Variants in ITFG1 observed in about 807,000 individuals in gnomAD.
ITFG1 encodes integrin alpha FG-GAP repeat containing 1, also known as T-cell immunomodulatory protein.
A neutral mutation model predicts 81.8 loss-of-function variants in ITFG1; 34 were observed. The observed-to-expected ratio is 0.42, with a 90% confidence interval of 0.32 to 0.55. The LOEUF (loss-of-function observed/expected upper bound fraction) is 0.55. ITFG1 is among the 20% of genes least tolerant of loss of function. The pLI, the probability that ITFG1 is intolerant of heterozygous loss-of-function variation, is 0.17. For missense variants in ITFG1, 672 were observed against 755.4 expected (o/e 0.89, Z 1.29); for synonymous variants, 285 against 270.6 (o/e 1.05, Z -0.52).
chr16:47,273,383 G>A (rs1027809483), intron 10 of ITFG1, among the ~76,000 whole-genome samples: 2 of 152,130 alleles, frequency 1.3e-5, no homozygotes, highest in African/African-American at 4.8e-5. Context: ...TGAAACCCAT[G>A]CTGCCTACTA....
intron 5 of ITFG1, among the ~76,000 whole-genome samples, chr16:47,438,694 T>C (rs149366745): frequency 1.3e-5 from 2 of 152,208 alleles, no homozygotes; most frequent in African/African-American, 4.8e-5. Context: ...TACGTCACCA[T>C]CATCAAAGAC....
chr16:47,342,624 G>C (rs1219914961), intron 8 of ITFG1, among the ~76,000 whole-genome samples: 1 of 152,028 alleles, frequency 6.6e-6, no homozygotes, highest in African/African-American at 2.4e-5. Context: ...AGAAAGCTAA[G>C]AGAATTAAAA....
chr16:47,227,308 G>A (rs543437564), intron 13 of ITFG1, among the ~76,000 whole-genome samples: 1 of 152,272 alleles, frequency 6.6e-6, no homozygotes, highest in East Asian at 1.9e-4. Flanking sequence ...GAGTATTGCT[G>A]TATCTTTCAC....
intron 8 of ITFG1, among the ~76,000 whole-genome samples, chr16:47,344,381 A>G (rs1237745985): frequency 6.6e-6 from 1 of 152,220 alleles, no homozygotes; most frequent in East Asian, 1.9e-4. Flanking sequence ...TTCTGGGTTA[A>G]TGGAAGTATT....
At chr16:47,296,881 T>C (rs1966990211) in intron 10 of ITFG1, among the ~76,000 whole-genome samples, 1 of 152,212 alleles carries the variant, frequency 6.6e-6, no homozygotes, top group Admixed American at 6.5e-5. Flanking sequence ...TGGAGAATGT[T>C]CCATGTTCCG....
At chr16:47,391,942 G>C (rs990837420) in intron 6 of ITFG1, among the ~76,000 whole-genome samples, 1 of 152,116 alleles carries the variant, frequency 6.6e-6, no homozygotes, top group Non-Finnish European at 1.5e-5. Context: ...TATATGCCAA[G>C]TACTGTTCTA....
intron 8 of ITFG1, among the ~76,000 whole-genome samples, chr16:47,337,219 T>C (rs919856772): frequency 6.6e-6 from 1 of 151,224 alleles, no homozygotes; most frequent in African/African-American, 2.4e-5. Context: ...GTACTTGATA[T>C]CCTCTTGTGG....
At chr16:47,197,634 TA>T (rs1273807554) in intron 14 of ITFG1, among the ~76,000 whole-genome samples, 10 of 152,236 alleles carry the variant, frequency 6.6e-5, no homozygotes, top group African/African-American at 2.4e-4. Context: ...TAAACCTCTT[TA>T]AATAGTTGAC....
rs548667354 is a variant in ITFG1, at chr16:47,420,237, AT to A, written c.655+8566del. Among the ~76,000 whole-genome samples the A allele has an allele frequency of 4.3e-3, 653 of 152,026 alleles. 6 individuals carry two copies. Among genetic ancestry groups the A allele is most frequent in the African/African-American group, 0.015 (617 of 41,466 alleles). On this transcript the variant is annotated intron_variant, in intron 6 of 17. Transcript: ENST00000320640. ...GATGCCAATTTTTAAAAATTAGTTG[AT>A]TTTTTTTATGTGGCCTAACATCTGG...
intron 5 of ITFG1, among the ~76,000 whole-genome samples, chr16:47,434,483 T>A (rs1484608043): frequency 6.6e-6 from 1 of 151,186 alleles, no homozygotes; most frequent in African/African-American, 2.4e-5. Flanking sequence ...GAAATGCAAA[T>A]CAAAACCACA....
intron 12 of ITFG1, among the ~76,000 whole-genome samples, chr16:47,242,027 A>T (rs1414879300): frequency 2.0e-5 from 3 of 152,118 alleles, no homozygotes; most frequent in Non-Finnish European, 2.9e-5. Flanking sequence ...TGATGACTAT[A>T]TTCTCAAATG....
At chr16:47,448,387 T>C (rs1388520421) in intron 5 of ITFG1, 3 of 152,150 alleles carry the variant, frequency 2.0e-5, no homozygotes, top group African/African-American at 7.2e-5. Context: ...AGAATACAGT[T>C]TTTTTGATAA....
At chr16:47,307,110 A>AAAAAAAAAAAAAAAAAAAC (rs1967178562) in intron 10 of ITFG1, among the ~76,000 whole-genome samples, 1 of 147,774 alleles carries the variant, frequency 6.8e-6, no homozygotes, top group African/African-American at 2.5e-5. Flanking sequence ...AAAAAAAAAA[A>AAAAAAAAAAAAAAAAAAAC]AAAAAAAAAA....
intron 14 of ITFG1, among the ~76,000 whole-genome samples, chr16:47,165,797 G>A (rs2151508138): frequency 6.6e-6 from 1 of 152,346 alleles, no homozygotes; most frequent in South Asian, 2.1e-4. Context: ...AGTGAGCTGT[G>A]ATTGTACCAC....
chr16:47,279,667 A>G (rs1308474843), intron 10 of ITFG1, among the ~76,000 whole-genome samples: 1 of 152,156 alleles, frequency 6.6e-6, no homozygotes, highest in Non-Finnish European at 1.5e-5. Flanking sequence ...CTGTATCTAC[A>G]AAAAAACTCT....
chr16:47,177,638 ACTT>A (rs1965046659), intron 14 of ITFG1, among the ~76,000 whole-genome samples: 1 of 152,168 alleles, frequency 6.6e-6, no homozygotes, highest in Non-Finnish European at 1.5e-5. Flanking sequence ...GATTTTAATG[ACTT>A]CTTATTTAAA....
chr16:47,163,423 C>T (rs1410484970), intron 14 of ITFG1, among the ~76,000 whole-genome samples: 1 of 152,198 alleles, frequency 6.6e-6, no homozygotes, highest in East Asian at 1.9e-4. Flanking sequence ...GCTTCTTTCA[C>T]TTAGCATGTT....
intron 14 of ITFG1, among the ~76,000 whole-genome samples, chr16:47,184,443 T>C (rs988563754): frequency 6.6e-6 from 1 of 152,166 alleles, no homozygotes; most frequent in African/African-American, 2.4e-5. Context: ...GCAGAAACGC[T>C]ACAAGCCAGA....
chr16:47,353,220 TA>T (rs1162767969), intron 8 of ITFG1, among the ~76,000 whole-genome samples: 2 of 151,124 alleles, frequency 1.3e-5, no homozygotes, highest in African/African-American at 4.9e-5. Flanking sequence ...TAAAAAAAAT[TA>T]AAAAAAAGAA....
Sources: gnomAD v4.1 joint callset for allele counts (sites outside exome capture counted in the v4.1 genomes callset) on GRCh38, gnomAD v4.1.1 for gene constraint, MANE v1.5 for transcripts, NCBI Gene and HGNC (gene_info 2026-07-23, HGNC 2026-07-21) for gene names.